MUTYH: variants seen among roughly 807,000 people sequenced by gnomAD.
MUTYH encodes the protein mutY DNA glycosylase, also known as adenine DNA glycosylase.
Under a neutral mutation model 72.9 loss-of-function variants are expected in MUTYH, and 64 were observed. The ratio of observed to expected loss-of-function variants is 0.88; its 90% CI spans 0.72 to 1.08. MUTYH has a LOEUF of 1.08. Among genes scored for constraint, MUTYH ranks in the 50% least tolerant of loss-of-function variants. MUTYH has a pLI of 0.00. For missense variants in MUTYH, 633 were observed against 671.0 expected (o/e 0.94, Z 0.63); for synonymous variants, 234 against 263.1 (o/e 0.89, Z 1.07).
upstream of MUTYH, chr1:45,340,167 C>T (rs1246376784): frequency 2.5e-6 from 4 of 1,607,966 alleles, no homozygotes; most frequent in South Asian, 1.1e-5. Context: ...GACCCCGCCC[C>T]ATCCCCGACT....
At chr1:45,329,543 CT>C in intron 15 of MUTYH, 106 bp from the exon 16 acceptor site, 2 of 1,461,142 alleles carry the variant, frequency 1.4e-6, no homozygotes, top group Non-Finnish European at 1.9e-6. Context: ...TCTAGCTAGG[CT>C]TAGCCTGGAA....
intron 2 of MUTYH, 168 bp from the exon 3 acceptor site, chr1:45,333,729 G>A (rs1645420518): frequency 9.6e-7 from 1 of 1,045,334 alleles, no homozygotes; most frequent in Admixed American, 2.9e-5. Context: ...GTGTGTAGCT[G>A]TGGCTAAGTT....
At chr1:45,334,076 G>C in intron 2 of MUTYH, 1 of 398,488 alleles carries the variant, frequency 2.5e-6, no homozygotes, top group East Asian at 5.8e-5. Flanking sequence ...GCATTATCTT[G>C]ACTCAGTGCA....
rs771290019 is a variant in MUTYH at position 45,332,241 on chromosome 1, C to A, written c.774G>T (p.Gly258=). 1.2e-6 allele frequency: 2 copies of A among 1,614,114 alleles called. No individual in the cohort carries two copies. The highest frequency in any genetic ancestry group is 1.7e-6 in the Non-Finnish European group (2 of 1,179,994). Residue 258 remains glycine (G), a synonymous_variant, in exon 10 of 16, where the codon GGG becomes GGT. Transcript: ENST00000456914. The part of the protein sequence containing the change: ...GDFNQAAMEL[G]ATVCTPQRPL... Reference sequence around the variant, plus strand: ...GGCGCTGTGGGGTACACACTGTGGCCCCTAGCTCCATGGCTGCTTGGTTGA... The same window carrying A: ...GGCGCTGTGGGGTACACACTGTGGCACCTAGCTCCATGGCTGCTTGGTTGA...
intron 1 of MUTYH, among the ~76,000 whole-genome samples, chr1:45,338,868 C>A: frequency 6.6e-6 from 1 of 152,064 alleles, no homozygotes; most frequent in East Asian, 1.9e-4. Flanking sequence ...TGGGCTCAAG[C>A]CATCCTCTCA....
At chr1:45,340,218 C>T (rs1553136984), upstream of MUTYH, 1 of 1,613,712 alleles carries the variant, frequency 6.2e-7, no homozygotes, top group Non-Finnish European at 8.5e-7. Context: ...GTCCAGCGTA[C>T]CCACAGACGA....
At chr1:45,330,309 C>T (rs1437472332) in intron 15 of MUTYH, among the ~76,000 whole-genome samples, 1 of 151,214 alleles carries the variant, frequency 6.6e-6, no homozygotes. Flanking sequence ...ATTTCACACA[C>T]CTGTGACACT....
In MUTYH at chr1:45,333,448, C is replaced by G. The variant is rs587780746; in HGVS notation, c.229G>C (p.Asp77His). 3.1e-6 allele frequency: 5 copies of G among 1,614,214 alleles called. No homozygotes were observed. The highest frequency in any genetic ancestry group is 4.2e-6 in the Non-Finnish European group (5 of 1,180,038). The change falls in exon 3 of 16, where the codon GAC (aspartate) becomes CAC (histidine). Residue 77 changes from aspartate (D) to histidine (H), a missense_variant. Asp to His is a moderately conservative substitution (Grantham distance 81, BLOSUM62 -1). Coordinates refer to ENST00000456914, the MANE Select transcript of MUTYH (RefSeq NM_001048174.2). ...AFRGSLLSWY[D>H]QEKRDLPWRR... is the part of the protein sequence containing the mutation. ...CATGGTAGGTCCCGTTTCTCTTGGT[C>G]GTACCAGCTTAGCAGGCTCCCTCGG...
At position 45,332,020 on chromosome 1, in the gene MUTYH, C is replaced by T. The variant is rs864622394; in HGVS notation, c.913+3G>A. On this transcript the variant is annotated splice_donor_region_variant and intron_variant, in intron 11 of 15. Transcript: ENST00000456914. ...TGGGGTGGGGGCTAGGTTTGGTGCT[C>T]ACCACACTCCTCCACGTCAGGACTG... is the stretch of plus-strand genomic sequence containing the variant. 1.2e-6 allele frequency: 2 copies of T among 1,614,084 alleles called. No homozygotes were observed. The highest frequency in any genetic ancestry group is 2.2e-5 in the South Asian group (2 of 91,084).
upstream of MUTYH, chr1:45,340,241 A>G (rs1553137063): frequency 3.1e-6 from 5 of 1,613,780 alleles, no homozygotes; most frequent in Non-Finnish European, 4.2e-6. Context: ...CAGGCGGGAG[A>G]CGAGCGGTGT....
upstream of MUTYH, chr1:45,340,399 G>T: frequency 6.5e-7 from 1 of 1,544,034 alleles, no homozygotes; most frequent in Non-Finnish European, 8.7e-7. Context: ...TCAAGCTTCA[G>T]AGGACTGCTC....
intron 1 of MUTYH, among the ~76,000 whole-genome samples, chr1:45,335,883 C>T (rs1475264083): frequency 6.6e-6 from 1 of 152,014 alleles, no homozygotes; most frequent in Non-Finnish European, 1.5e-5. Context: ...CTCAAGAAGC[C>T]GCAAGGTCTC....
intron 1 of MUTYH, chr1:45,338,398 CTT>C (rs1202900432): frequency 4.6e-6 from 2 of 436,534 alleles, no homozygotes; most frequent in Non-Finnish European, 8.9e-6. Flanking sequence ...TGTTTGGACT[CTT>C]TTATGCTTTT....
rs587780079 is a variant in MUTYH at position 45,331,454 on chromosome 1, G to C, written c.1205C>G (p.Pro402Arg). The change falls in exon 13 of 16, where the codon CCC (proline) becomes CGC (arginine). Residue 402 changes from proline to arginine, a missense_variant. Coordinates refer to ENST00000456914, the MANE Select transcript of MUTYH (RefSeq NM_001048174.2). ...GTGCCGGAGGTGCGTGGCTGGGAGG[G>C]GCCCAGCCCAACGCTGTAGTTCCTG... ...LLQELQRWAGPLPATHLRHLG... is the reference protein window; with the variant it reads ...LLQELQRWAGRLPATHLRHLG... 1.2e-6 allele frequency: 2 copies of C among 1,614,246 alleles called. No homozygotes were observed. Among genetic ancestry groups the C allele is most frequent in the South Asian group, 1.1e-5 (1 of 91,086 alleles).
At chr1:45,334,283 C>A in intron 2 of MUTYH, 108 bp downstream of exon 2, 1 of 1,547,710 alleles carries the variant, frequency 6.5e-7, no homozygotes, top group Non-Finnish European at 8.8e-7. Context: ...GCCACCGCAC[C>A]TGGCCCTTAG....
In MUTYH at chr1:45,334,587, A is replaced by G. The variant is rs1045551661; in HGVS notation, c.-6-76T>C. 5.6e-6 allele frequency: 9 copies of G among 1,594,300 alleles called. No homozygotes were observed. In the South Asian group the frequency reaches 7.7e-5, roughly 14 times the overall value. On this transcript the variant is annotated intron_variant, in intron 1 of 15. Coordinates refer to ENST00000456914, the MANE Select transcript of MUTYH (RefSeq NM_001048174.2). ...TTGAGGCCTTCCAAGGGTGATAGCTATCTCCCTCTCATCCACCATTCACAT... is the reference window on the plus strand; with the variant it reads ...TTGAGGCCTTCCAAGGGTGATAGCTGTCTCCCTCTCATCCACCATTCACAT...
rs370493415 is a variant in MUTYH at position 45,334,482 on chromosome 1, C to G, written c.24G>C (p.Val8=). The change falls in exon 2 of 16, where the codon GTG becomes GTC. Residue 8 remains valine, a synonymous_variant. Transcript: ENST00000456914. ...CTGCCTGCTTCCTGTGACCACTTCC[C>G]ACGGCTGCTCGTGGCTTCCTCATGA... is the stretch of plus-strand genomic sequence containing the variant. MRKPRAA[V]GSGHRKQAAS... 11 of 1,614,108 alleles carry G rather than the reference C, an allele frequency of 6.8e-6. No individual in the cohort carries two copies. Among genetic ancestry groups the G allele is most frequent in the Non-Finnish European group, 7.6e-6 (9 of 1,180,002 alleles).
At chr1:45,333,707 A>C in intron 2 of MUTYH, 146 bp from the exon 3 acceptor site, 2 of 1,230,062 alleles carry the variant, frequency 1.6e-6, no homozygotes, top group South Asian at 1.6e-5. Flanking sequence ...GTCAGACCAG[A>C]GTTATGTAAT....
At position 45,333,090 on chromosome 1, in the gene MUTYH, G is replaced by A. The variant is rs2149164176; in HGVS notation, c.378+7C>T. The A allele has an allele frequency of 1.2e-6, 2 of 1,614,110 alleles. No homozygotes were observed. On this transcript the variant is annotated splice_region_variant and intron_variant, in intron 5 of 15. Transcript: ENST00000456914. ...CCATGACCCTTCCCTTCCTCCCCTGGAGTCACCTGCATCCATCCGGTATAG... is the reference window on the plus strand; with the variant it reads ...CCATGACCCTTCCCTTCCTCCCCTGAAGTCACCTGCATCCATCCGGTATAG...
Sources: gnomAD v4.1 joint callset for allele counts (sites outside exome capture counted in the v4.1 genomes callset) on GRCh38, gnomAD v4.1.1 for gene constraint, MANE v1.5 for transcripts, NCBI Gene and HGNC (gene_info 2026-07-23, HGNC 2026-07-21) for gene names.